The following KLRD1 variants were observed in gnomAD, a reference collection of about 807,000 sequenced individuals.
KLRD1 encodes the protein killer cell lectin like receptor D1, also known as natural killer cells antigen CD94.
A neutral mutation model predicts 22.6 loss-of-function variants in KLRD1; 21 were observed. The observed-to-expected ratio is 0.93, with a 90% confidence interval of 0.66 to 1.34. The LOEUF is 1.34. KLRD1 is among the 40% of genes most tolerant of loss of function. KLRD1 has a pLI of 0.00. For missense variants in KLRD1, 183 were observed against 208.6 expected, an observed-to-expected ratio of 0.88 and a Z score of 0.76; for synonymous variants, 59 against 71.1, an observed-to-expected ratio of 0.83 and a Z score of 0.85.
Position 10,247,743 on chromosome 12 carries a change from G to T in KLRD1, c.-101+21510G>T, listed in dbSNP as rs571272244. ...TTGCACCCATGCTATTCTCATGATA[G>T]TGAGTGAGTTCTCATAACATCTGAT... On this transcript the variant is annotated intron_variant, in intron 1 of 5. Transcript: ENST00000544747. 2.0e-5 allele frequency among the ~76,000 whole-genome samples: 3 copies of T among 152,202 alleles called. No homozygotes were observed. The South Asian group carries it at 6.2e-4, about 32-fold the overall frequency.
intron 3 of KLRD1, among the ~76,000 whole-genome samples, chr12:10,310,573 G>A (rs1245154576): frequency 1.3e-5 from 2 of 152,164 alleles, no homozygotes; most frequent in Non-Finnish European, 2.9e-5. Context: ...GCTGAGGTAG[G>A]CATATTACTT....
At chr12:10,260,867 G>A (rs917063770) in intron 1 of KLRD1, among the ~76,000 whole-genome samples, 7 of 152,066 alleles carry the variant, frequency 4.6e-5, no homozygotes, top group East Asian at 1.9e-4. Flanking sequence ...GCATGAACCC[G>A]GGAGGTGGAG....
Position 10,327,651 on chromosome 12 carries a change from T to G in KLRD1, c.*12858T>G, listed in dbSNP as rs1233829510. ...CCATTGTACTTCTTCTTTTACAATC[T>G]GTATGTTGTTAATTTCTTTTCCTTG... On this transcript the variant is annotated 3_prime_UTR_variant, in exon 6 of 6. Coordinates refer to ENST00000336164, the MANE Select transcript of KLRD1 (RefSeq NM_002262.5). 6.6e-6 allele frequency: 1 copy of G among 152,216 alleles called. No homozygotes were observed. The highest frequency in any genetic ancestry group is 2.4e-5 in the African/African-American group (1 of 41,456). The allele number at this position is 152,216 out of a possible 1,614,324, so 9.4% of individuals were successfully genotyped here.
chr12:10,292,288 G>A (rs1318718327), intron 1 of KLRD1, among the ~76,000 whole-genome samples: 1 of 152,162 alleles, frequency 6.6e-6, no homozygotes, highest in Non-Finnish European at 1.5e-5. Flanking sequence ...ATGGAATCTA[G>A]AATAGTGAAG....
chr12:10,280,626 A>T (rs548723379), intron 1 of KLRD1, among the ~76,000 whole-genome samples: 2 of 152,294 alleles, frequency 1.3e-5, no homozygotes, highest in South Asian at 2.1e-4. Flanking sequence ...AGAGAATTAT[A>T]TAATTTTTCC....
intron 1 of KLRD1, among the ~76,000 whole-genome samples, chr12:10,267,890 GACA>G (rs895538402): frequency 1.3e-5 from 2 of 152,286 alleles, no homozygotes; most frequent in African/African-American, 2.4e-5. Flanking sequence ...TGAACTAAAA[GACA>G]ACAACTGTGG....
rs1950349165 is a variant in KLRD1 at position 10,325,087 on chromosome 12, C to G, written c.*10294C>G. On this transcript the variant is annotated 3_prime_UTR_variant, in exon 6 of 6. Coordinates refer to ENST00000336164, the MANE Select transcript of KLRD1 (RefSeq NM_002262.5). ...TAAACACCCTTGTTTTGCTATTGAT[C>G]TTAGAGCATGAATATTCACTTTTTT... 1 of 151,644 alleles carries G rather than the reference C, an allele frequency of 6.6e-6. No individual in the cohort carries two copies. The highest frequency in any genetic ancestry group is 1.5e-5 in the Non-Finnish European group (1 of 67,862). The allele number at this position is 151,644 out of a possible 1,614,324, so 9.4% of individuals were successfully genotyped here.
At chr12:10,311,735 T>C (rs1950076381) in intron 4 of KLRD1, 120 bp downstream of exon 4, 2 of 825,546 alleles carry the variant, frequency 2.4e-6, no homozygotes, top group Non-Finnish European at 3.7e-6. Flanking sequence ...TATATTGGAA[T>C]TGAGTTATCT....
At position 10,316,941 on chromosome 12, in the gene KLRD1, A is replaced by AC. The variant is rs1299274547; in HGVS notation, c.*2154dup. ...AATGCTCTTCCTCCCCTTGCCCCCC[A>AC]CCCCCCGACAGGCCTTGGTCTGTGA... On this transcript the variant is annotated 3_prime_UTR_variant, in exon 6 of 6. Transcript: ENST00000336164. 1.9e-4 allele frequency: 21 copies of AC among 111,036 alleles called. No homozygotes were observed. The highest frequency in any genetic ancestry group is 7.4e-4 in the African/African-American group (21 of 28,532). The allele number at this position is 111,036 out of a possible 1,614,324, so 6.9% of individuals were successfully genotyped here. A position where few individuals can be genotyped will look rare whatever the true frequency, so the allele number is the denominator to read the frequency against.
intron 1 of KLRD1, among the ~76,000 whole-genome samples, chr12:10,280,052 C>T (rs1440466976): frequency 6.6e-6 from 1 of 152,198 alleles, no homozygotes; most frequent in East Asian, 1.9e-4. Flanking sequence ...ATGTCTTTCT[C>T]CTTTCCCATG....
At chr12:10,286,840 T>C (rs954791033) in intron 1 of KLRD1, among the ~76,000 whole-genome samples, 1 of 151,914 alleles carries the variant, frequency 6.6e-6, no homozygotes, top group African/African-American at 2.4e-5. Flanking sequence ...TTTGTTCTTA[T>C]AAAGAACCTC....
chr12:10,252,467 G>C (rs78104651), intron 1 of KLRD1, among the ~76,000 whole-genome samples: 5,622 of 152,100 alleles, frequency 0.037, 362 homozygotes, highest in African/African-American at 0.13. Flanking sequence ...TTGCGCTACT[G>C]TACTCCAGCC....
chr12:10,240,351 T>A (rs1949229183), intron 1 of KLRD1, among the ~76,000 whole-genome samples: 1 of 152,038 alleles, frequency 6.6e-6, no homozygotes. Flanking sequence ...TGAGTCACCA[T>A]GCCCAGCCCT....
intron 4 of KLRD1, among the ~76,000 whole-genome samples, chr12:10,312,860 G>A (rs894091958): frequency 4.6e-5 from 7 of 151,576 alleles, no homozygotes; most frequent in Admixed American, 1.3e-4. Context: ...GGTGGCGGGC[G>A]CCTGTAGTCC....
intron 1 of KLRD1, among the ~76,000 whole-genome samples, chr12:10,288,234 C>T (rs2617132): frequency 0.98 from 145,008 of 148,304 alleles, 70,975 homozygotes; most frequent in East Asian, 1. Flanking sequence ...CAGAGCGAGA[C>T]TCCGTCTCAA....
At position 10,240,951 on chromosome 12, in the gene KLRD1, ATCT is replaced by A. The variant is rs533979171; in HGVS notation, c.-101+14726_-101+14728del. Among the ~76,000 whole-genome samples the A allele has an allele frequency of 6.4e-4, 98 of 152,244 alleles. 2 individuals carry two copies. The South Asian group carries it at 0.018, about 28-fold the overall frequency. On this transcript the variant is annotated intron_variant, in intron 1 of 5. Transcript: ENST00000544747. ...ATTGCACCTCCGTATGTAGTTCAAC[ATCT>A]TCTTCTTTTTTCTATATATATCCTG...
Position 10,311,446 on chromosome 12 carries a change from CTTTATGTTT to C in KLRD1, c.164-16_164-8del, listed in dbSNP as rs1389564929. 1.7e-5 allele frequency: 28 copies of C among 1,608,864 alleles called. No homozygotes were observed. The highest frequency in any genetic ancestry group is 2.1e-5 in the Non-Finnish European group (25 of 1,175,860). On this transcript the variant is annotated splice_polypyrimidine_tract_variant and intron_variant, in intron 3 of 5. Transcript: ENST00000336164. ...CTAGTCTCCAGTGTCATTAGTCATGCTTTATGTTTTCTGTCAGACTCTGACTGCTGTTCT... is the reference window on the plus strand; with the variant it reads ...CTAGTCTCCAGTGTCATTAGTCATGCTCTGTCAGACTCTGACTGCTGTTCT...
chr12:10,313,433 A>G lies in KLRD1; in HGVS notation c.339A>G (p.Gln113=). The G allele has an allele frequency of 6.2e-6, 10 of 1,603,306 alleles. No homozygotes were observed. The highest frequency in any genetic ancestry group is 1.7e-5 in the Admixed American group (1 of 58,840). The change falls in exon 5 of 6, where the codon CAA becomes CAG. Residue 113 remains glutamine (Q), a synonymous_variant. Coordinates refer to ENST00000336164, the MANE Select transcript of KLRD1 (RefSeq NM_002262.5). ...DELDFMSSSQ[Q]FYWIGLSYSE... Reference sequence around the variant, plus strand: ...AGGATTTTATGAGCTCCAGTCAACAATTTTACTGGATTGGACTCTCTTACA... The same window carrying G: ...AGGATTTTATGAGCTCCAGTCAACAGTTTTACTGGATTGGACTCTCTTACA...
chr12:10,263,953 G>A (rs1309329943), intron 1 of KLRD1, among the ~76,000 whole-genome samples: 1 of 152,082 alleles, frequency 6.6e-6, no homozygotes, highest in Non-Finnish European at 1.5e-5. Context: ...TAGGATGGAT[G>A]TGGCTAGTCA....
Sources: allele counts gnomAD v4.1 joint callset (sites outside exome capture counted in the v4.1 genomes callset), GRCh38; gene constraint gnomAD v4.1.1; transcripts MANE v1.5; gene names NCBI Gene and HGNC (gene_info 2026-07-23, HGNC 2026-07-21).